DPY19L4: variants seen among roughly 807,000 people sequenced by gnomAD.
DPY19L4 encodes the protein probable C-mannosyltransferase DPY19L4.
A neutral mutation model predicts 102.8 loss-of-function variants in DPY19L4; 97 were observed. The observed-to-expected ratio is 0.94, with a 90% CI of 0.80 to 1.12. DPY19L4 has a LOEUF of 1.12. DPY19L4 is among the 50% of genes most tolerant of loss of function. The pLI, the probability that DPY19L4 is intolerant of heterozygous loss-of-function variation, is 0.00. For missense variants in DPY19L4, 815 were observed against 850.4 expected (o/e 0.96, Z 0.52); for synonymous variants, 252 against 283.1 (o/e 0.89, Z 1.10).
chr8:94,778,663 T>G (rs1162890951), intron 14 of DPY19L4, among the ~76,000 whole-genome samples: 1 of 151,882 alleles, frequency 6.6e-6, no homozygotes, highest in Non-Finnish European at 1.5e-5. Context: ...CTGTTTTTCT[T>G]TTTCTTTCTT....
chr8:94,735,895 G>A (rs1424106814), intron 3 of DPY19L4, among the ~76,000 whole-genome samples: 1 of 152,048 alleles, frequency 6.6e-6, no homozygotes, highest in Non-Finnish European at 1.5e-5. Context: ...ACAAGTATTT[G>A]CATTCATAAA....
In DPY19L4 at chr8:94,739,670, A is replaced by G. The variant is rs371835229; in HGVS notation, c.491A>G (p.Tyr164Cys). The G allele has an allele frequency of 1.9e-4, 305 of 1,613,884 alleles. 1 individual carries two copies. The highest frequency in any genetic ancestry group is 2.5e-4 in the Non-Finnish European group (299 of 1,180,002). Reference protein sequence around the residue: ...SNEIIEPVYFYIGIVFGLQGI... With the variant: ...SNEIIEPVYFCIGIVFGLQGI... ...GAGATTATTGAGCCAGTGTATTTCT[A>G]TATTGGCATTGTTTTTGGATTGCAA... The change falls in exon 6 of 19, where the codon TAT (tyrosine) becomes TGT (cysteine). Residue 164 changes from tyrosine (Y) to cysteine (C), a missense_variant. By Grantham distance (194) the Tyr-to-Cys change is radical (BLOSUM62 -2). Coordinates refer to ENST00000414645, the MANE Select transcript of DPY19L4 (RefSeq NM_181787.3).
At chr8:94,749,326 G>C (rs1393806198) in intron 6 of DPY19L4, among the ~76,000 whole-genome samples, 1 of 152,098 alleles carries the variant, frequency 6.6e-6, no homozygotes, top group Admixed American at 6.5e-5. Context: ...TGTTGGGCAC[G>C]GGAGTTCAAT....
intron 1 of DPY19L4, among the ~76,000 whole-genome samples, chr8:94,724,808 G>A (rs1219537672): frequency 4.6e-5 from 7 of 152,044 alleles, no homozygotes; most frequent in African/African-American, 1.2e-4. Flanking sequence ...GGCTGTTCTC[G>A]ATCTCCTGAC....
intron 11 of DPY19L4, among the ~76,000 whole-genome samples, chr8:94,767,026 C>T (rs548136204): frequency 6.7e-6 from 1 of 148,914 alleles, no homozygotes; most frequent in South Asian, 2.1e-4. Context: ...GCCAAGATCA[C>T]GCCAGTGCAC....
chr8:94,773,288 T>C (rs1269173801), intron 13 of DPY19L4, among the ~76,000 whole-genome samples: 2 of 151,966 alleles, frequency 1.3e-5, no homozygotes, highest in Admixed American at 6.6e-5. Flanking sequence ...TTGTAATTCA[T>C]ATAGGAGCAT....
intron 6 of DPY19L4, 62 bp downstream of exon 6, chr8:94,739,852 G>GA (rs1394941897): frequency 6.4e-7 from 1 of 1,568,740 alleles, no homozygotes; most frequent in Non-Finnish European, 8.6e-7. Flanking sequence ...TCAGAGTTCT[G>GA]AAAATGCCTC....
intron 7 of DPY19L4, among the ~76,000 whole-genome samples, chr8:94,758,171 CTT>C (rs1207994218): frequency 1.3e-5 from 2 of 152,060 alleles, no homozygotes; most frequent in African/African-American, 2.4e-5. Context: ...ATATTTATCT[CTT>C]TGTTTCTTTG....
rs921103483 is a variant in DPY19L4 at position 94,791,518 on chromosome 8, A to G, written c.*1608A>G. 3.6e-4 allele frequency: 55 copies of G among 152,180 alleles called. No individual in the cohort carries two copies. The highest frequency in any genetic ancestry group is 1.2e-3 in the African/African-American group (51 of 41,462). The allele number at this position is 152,180 out of a possible 1,614,324, so 9.4% of individuals were successfully genotyped here. ...TCAGGTTGACTCTGTACATCTGAAT[A>G]GTGAGTCACTAGTATTTTGCTTCAA... On this transcript the variant is annotated 3_prime_UTR_variant, in exon 19 of 19. Coordinates refer to ENST00000414645, the MANE Select transcript of DPY19L4 (RefSeq NM_181787.3).
intron 8 of DPY19L4, among the ~76,000 whole-genome samples, chr8:94,762,794 A>G (rs754555186): frequency 1.3e-5 from 2 of 152,032 alleles, no homozygotes; most frequent in Non-Finnish European, 2.9e-5. Flanking sequence ...GGATCACTTG[A>G]CCAGCCTGAG....
chr8:94,723,421 C>T (rs1810557483), intron 1 of DPY19L4, among the ~76,000 whole-genome samples: 1 of 151,118 alleles, frequency 6.6e-6, no homozygotes, highest in Admixed American at 6.6e-5. Flanking sequence ...TGTAGTGAGC[C>T]GGGATGGCAC....
chr8:94,758,121 T>C (rs1023412399), intron 7 of DPY19L4, among the ~76,000 whole-genome samples: 1 of 151,730 alleles, frequency 6.6e-6, no homozygotes, highest in African/African-American at 2.4e-5. Context: ...CAAAAAAAAA[T>C]AGAGTTTGGT....
At chr8:94,786,965 G>A (rs1191015231) in intron 17 of DPY19L4, among the ~76,000 whole-genome samples, 1 of 152,180 alleles carries the variant, frequency 6.6e-6, no homozygotes, top group Non-Finnish European at 1.5e-5. Flanking sequence ...GGGACATTTG[G>A]CAGTGTCTGG....
intron 17 of DPY19L4, 64 bp from the exon 18 acceptor site, chr8:94,787,830 A>G (rs1203082142): frequency 2.1e-6 from 2 of 969,822 alleles, no homozygotes; most frequent in Non-Finnish European, 2.6e-6. Context: ...CTGAAGTTTT[A>G]AATGTCCTTT....
chr8:94,771,678 T>G (rs1812942384), intron 13 of DPY19L4, among the ~76,000 whole-genome samples: 2 of 152,210 alleles, frequency 1.3e-5, no homozygotes, highest in Admixed American at 6.5e-5. Context: ...GCAAGAGTAC[T>G]GCAGGTAGAG....
intron 6 of DPY19L4, 28 bp downstream of exon 6, chr8:94,739,818 A>T (rs769745502): frequency 6.2e-7 from 1 of 1,608,822 alleles, no homozygotes; most frequent in Non-Finnish European, 8.5e-7. Flanking sequence ...ATTGATTTTT[A>T]AAAACTTTTT....
chr8:94,733,157 G>T (rs1299777468), intron 2 of DPY19L4, among the ~76,000 whole-genome samples: 1 of 114,852 alleles, frequency 8.7e-6, no homozygotes, highest in African/African-American at 3.5e-5. Flanking sequence ...ACAGAGTCTC[G>T]CTCTGTCGCC....
chr8:94,789,034 T>C (rs1385551507), intron 18 of DPY19L4, among the ~76,000 whole-genome samples: 1 of 152,196 alleles, frequency 6.6e-6, no homozygotes, highest in Non-Finnish European at 1.5e-5. Flanking sequence ...GGTTTACTGG[T>C]GACACAAATG....
rs144869202 is a variant in DPY19L4, at chr8:94,739,475, C to A, written c.406C>A (p.Gln136Lys). 14 of 1,609,050 alleles carry A rather than the reference C, an allele frequency of 8.7e-6. No homozygotes were observed. Among genetic ancestry groups the A allele is most frequent in the Non-Finnish European group, 1.1e-5 (13 of 1,178,850 alleles). ...TCTGAAGACTATAAATGCAGTGCAG[C>A]AAATGTCTCTGTATCCGGAACTTAT... ...VSLKTINAVQ[Q>K]MSLYPELIAS... Residue 136 changes from glutamine (Q) to lysine (K), a missense_variant, in exon 5 of 19, where the codon CAA becomes AAA. Transcript: ENST00000414645.
Sources: gnomAD v4.1 joint callset for allele counts (sites outside exome capture counted in the v4.1 genomes callset) on GRCh38, gnomAD v4.1.1 for gene constraint, MANE v1.5 for transcripts, NCBI Gene and HGNC (gene_info 2026-07-23, HGNC 2026-07-21) for gene names.